Variants in GABRA1 observed in about 807,000 individuals in gnomAD.
GABRA1 encodes the protein gamma-aminobutyric acid type A receptor subunit alpha1, also known as gamma-aminobutyric acid receptor subunit alpha-1.
GABRA1 carries 9 observed loss-of-function variants against 48.9 expected under a neutral mutation model. The ratio of observed to expected loss-of-function variants is 0.18; its 90% CI spans 0.11 to 0.32. The LOEUF is 0.32. GABRA1 is among the 10% of genes least tolerant of loss of function. The probability of loss-of-function intolerance (pLI) is 1.00; values close to 1 mark genes in which losing one functional copy is unlikely to be tolerated. For missense variants in GABRA1, 285 were observed against 553.8 expected, an observed-to-expected ratio of 0.51 and a Z score of 4.87; for synonymous variants, 210 against 198.7, an observed-to-expected ratio of 1.06 and a Z score of -0.48.
chr5:161,891,235 G>A (rs1755074685), intron 8 of GABRA1, among the ~76,000 whole-genome samples, 185 bp downstream of exon 8: 1 of 152,130 alleles, frequency 6.6e-6, no homozygotes, highest in African/African-American at 2.4e-5. Context: ...TAACTAGCAA[G>A]CTGTTTTAGT....
chr5:161,862,487 T>C (rs1297523386), intron 3 of GABRA1, among the ~76,000 whole-genome samples: 1 of 151,930 alleles, frequency 6.6e-6, no homozygotes, highest in Non-Finnish European at 1.5e-5. Context: ...TTTTATCTCT[T>C]CAAATGACAT....
intron 6 of GABRA1, among the ~76,000 whole-genome samples, chr5:161,876,508 G>A (rs1364712614): frequency 1.3e-5 from 2 of 152,118 alleles, no homozygotes; most frequent in African/African-American, 4.8e-5. Context: ...GTGAAGATAT[G>A]ATTCATAGAA....
At chr5:161,859,643 A>G (rs1476140956) in intron 3 of GABRA1, among the ~76,000 whole-genome samples, 1 of 151,750 alleles carries the variant, frequency 6.6e-6, no homozygotes, top group East Asian at 1.9e-4. Context: ...TATTCATGTG[A>G]TCTTTTGATT....
chr5:161,895,932 A>T, intron 9 of GABRA1, 64 bp downstream of exon 9: 1 of 1,420,884 alleles, frequency 7.0e-7, no homozygotes, highest in Non-Finnish European at 9.9e-7. Flanking sequence ...ATGAAATGAG[A>T]TGTTTTGGCC....
At chr5:161,857,585 T>C (rs1352323906) in intron 3 of GABRA1, among the ~76,000 whole-genome samples, 1 of 151,526 alleles carries the variant, frequency 6.6e-6, no homozygotes, top group Non-Finnish European at 1.5e-5. Flanking sequence ...TAAAGAGGTA[T>C]CTCCAGGAAG....
intron 7 of GABRA1, among the ~76,000 whole-genome samples, chr5:161,886,613 A>C (rs1754858269): frequency 1.3e-5 from 2 of 151,852 alleles, no homozygotes; most frequent in African/African-American, 4.8e-5. Flanking sequence ...CCATCTCTAC[A>C]AAAAATTAAA....
chr5:161,860,764 C>A (rs1345589858), intron 3 of GABRA1, among the ~76,000 whole-genome samples: 1 of 151,552 alleles, frequency 6.6e-6, no homozygotes, highest in African/African-American at 2.4e-5. Context: ...ATATATACAC[C>A]TATTAGGTAT....
intron 7 of GABRA1, among the ~76,000 whole-genome samples, chr5:161,884,247 A>C (rs774672375): frequency 6.6e-6 from 1 of 152,154 alleles, no homozygotes; most frequent in Non-Finnish European, 1.5e-5. Context: ...ATATGAAAGT[A>C]AGCTGTGTTT....
chr5:161,848,307 C>A lies in GABRA1; in HGVS notation c.-131C>A, dbSNP rs1757287241. 6.6e-6 allele frequency: 1 copy of A among 152,422 alleles called. No individual in the cohort carries two copies. The highest frequency in any genetic ancestry group is 2.1e-4 in the South Asian group (1 of 4,842). The allele number at this position is 152,422 out of a possible 1,614,324, so 9.4% of individuals were successfully genotyped here. A position where few individuals can be genotyped will look rare whatever the true frequency, so the allele number is the denominator to read the frequency against. On this transcript the variant is annotated 5_prime_UTR_variant, in exon 1 of 10. Transcript: ENST00000393943. Reference sequence around the variant, plus strand: ...GAGGCAGAGCGAGGACGCCCCTCTGCTCTGGCGCGCCCGGACTCGGACTCG... The same window carrying A: ...GAGGCAGAGCGAGGACGCCCCTCTGATCTGGCGCGCCCGGACTCGGACTCG...
chr5:161,897,493 C>G lies in GABRA1; in HGVS notation c.*71C>G. The G allele has an allele frequency of 7.4e-7, 1 of 1,343,586 alleles. No homozygotes were observed. Among genetic ancestry groups the G allele is most frequent in the Non-Finnish European group, 1.1e-6 (1 of 939,820 alleles). 83.2% of individuals were successfully genotyped at this position (1,343,586 alleles called of 1,614,324 possible). A position where few individuals can be genotyped will look rare whatever the true frequency, so the allele number is the denominator to read the frequency against. On this transcript the variant is annotated 3_prime_UTR_variant, in exon 10 of 10. Coordinates refer to ENST00000393943, the MANE Select transcript of GABRA1 (RefSeq NM_001127644.2). ...TATTTATGTTCTCAACGCAGTAATT[C>G]CCATCTGCTTTATTGCCTCTGTCTT...
At chr5:161,897,078 C>G in intron 9 of GABRA1, 33 bp from the exon 10 acceptor site, 1 of 1,607,604 alleles carries the variant, frequency 6.2e-7, no homozygotes, top group East Asian at 2.2e-5. Flanking sequence ...TCACTGTTTA[C>G]TAAACAAAAT....
At chr5:161,871,990 G>C (rs1754141466) in intron 4 of GABRA1, among the ~76,000 whole-genome samples, 1 of 152,172 alleles carries the variant, frequency 6.6e-6, no homozygotes, top group South Asian at 2.1e-4. Flanking sequence ...ATGTAGTTAA[G>C]TTCGTACACG....
intron 8 of GABRA1, among the ~76,000 whole-genome samples, chr5:161,891,872 A>C (rs1755106317): frequency 6.6e-6 from 1 of 152,208 alleles, no homozygotes; most frequent in South Asian, 2.1e-4. Flanking sequence ...AAATTGAGTA[A>C]TCATAAAATC....
intron 4 of GABRA1, among the ~76,000 whole-genome samples, chr5:161,871,839 C>T (rs1314089106): frequency 6.6e-6 from 1 of 152,122 alleles, no homozygotes; most frequent in Non-Finnish European, 1.5e-5. Context: ...GCAATTAGTA[C>T]TATATCTGGT....
chr5:161,863,081 C>T (rs1028776631), intron 3 of GABRA1, among the ~76,000 whole-genome samples: 1 of 151,654 alleles, frequency 6.6e-6, no homozygotes, highest in Non-Finnish European at 1.5e-5. Context: ...AGCAAGATAT[C>T]AATATTGTAG....
rs140542183 is a variant in GABRA1 at position 161,867,204 on chromosome 5, T to C, written c.255+1416T>C. The stretch of plus-strand genomic sequence containing the variant: ...ATGTGTTTTACTAAATTGACAACTC[T>C]CTGAGGACTCATGATTCTCTCATGT... On this transcript the variant is annotated intron_variant, in intron 4 of 9. Coordinates refer to ENST00000393943, the MANE Select transcript of GABRA1 (RefSeq NM_001127644.2). 1.8e-3 allele frequency among the ~76,000 whole-genome samples: 277 copies of C among 152,282 alleles called. 2 individuals carry two copies. The highest frequency in any genetic ancestry group is 6.4e-3 in the African/African-American group (268 of 41,588).
rs59224858 is a variant in GABRA1, at chr5:161,893,044, AT to A, written c.856+1995del. The stretch of plus-strand genomic sequence containing the variant: ...AATAATAATAATAATAATAATAATA[AT>A]AATAAAATAAACACAGGACATATTT... On this transcript the variant is annotated intron_variant, in intron 8 of 9. Coordinates refer to ENST00000393943, the MANE Select transcript of GABRA1 (RefSeq NM_001127644.2). Among the ~76,000 whole-genome samples the A allele has an allele frequency of 3.9e-4, 54 of 138,188 alleles. 1 individual carries two copies. The highest frequency in any genetic ancestry group is 1.2e-3 in the African/African-American group (44 of 36,484). 90.7% of individuals were successfully genotyped at this position (138,188 alleles called of 152,430 possible). A position where few individuals can be genotyped will look rare whatever the true frequency, so the allele number is the denominator to read the frequency against.
At position 161,895,852 on chromosome 5, in the gene GABRA1, G is replaced by C; in HGVS notation, c.1043G>C (p.Ser348Thr). 1.2e-6 allele frequency: 2 copies of C among 1,613,858 alleles called. No homozygotes were observed. The highest frequency in any genetic ancestry group is 1.7e-6 in the Non-Finnish European group (2 of 1,179,782). The change falls in exon 9 of 10, where the codon AGT (serine) becomes ACT (threonine). Residue 348 changes from serine (S) to threonine (T), a missense_variant. Physicochemically the swap from Ser to Thr is moderately conservative, Grantham distance 58. Transcript: ENST00000393943. Reference sequence around the variant, plus strand: ...AGAGGTTATGCATGGGATGGCAAAAGTGTGGTTCCAGAAAAGGTAAATGCT... The same window carrying C: ...AGAGGTTATGCATGGGATGGCAAAACTGTGGTTCCAGAAAAGGTAAATGCT... ...TKRGYAWDGK[S>T]VVPEKPKKVK...
chr5:161,893,009 AAATAATAATAATAAT>A (rs60042641), intron 8 of GABRA1, among the ~76,000 whole-genome samples: 5 of 122,432 alleles, frequency 4.1e-5, no homozygotes, highest in Non-Finnish European at 8.1e-5. Flanking sequence ...CTTCTCAAAA[AAATAATAATAATAAT>A]AATAATAATA....
Sources: allele counts gnomAD v4.1 joint callset (sites outside exome capture counted in the v4.1 genomes callset), GRCh38; gene constraint gnomAD v4.1.1; transcripts MANE v1.5; gene names NCBI Gene and HGNC (gene_info 2026-07-23, HGNC 2026-07-21).